Variants in ROR1 observed in about 807,000 individuals in gnomAD.
The protein encoded by ROR1 is ROR family WNT receptor 1.
A neutral mutation model predicts 78.8 loss-of-function variants in ROR1; 19 were observed. The observed-to-expected ratio is 0.24, with a 90% confidence interval of 0.17 to 0.35. The LOEUF is 0.35. Ranked by LOEUF, ROR1 falls within the 10% of genes least tolerant of loss-of-function variation. The pLI, the probability that ROR1 is intolerant of heterozygous loss-of-function variation, is 1.00. For missense variants in ROR1, 917 were observed against 1,177.8 expected (o/e 0.78, Z 3.24); for synonymous variants, 386 against 433.6 (o/e 0.89, Z 1.36).
chr1:63,854,258 T>A (rs1429574103), intron 1 of ROR1, among the ~76,000 whole-genome samples: 1 of 152,246 alleles, frequency 6.6e-6, no homozygotes, highest in Admixed American at 6.5e-5. Flanking sequence ...CATTCTTCAG[T>A]AGACTTGTCA....
intron 1 of ROR1, among the ~76,000 whole-genome samples, chr1:63,919,685 T>C (rs1413399421): frequency 6.6e-6 from 1 of 152,156 alleles, no homozygotes; most frequent in East Asian, 1.9e-4. Flanking sequence ...TAAATTACTC[T>C]TCCAGAGCCT....
chr1:64,165,737 C>T, intron 8 of ROR1, among the ~76,000 whole-genome samples: 2 of 132,024 alleles, frequency 1.5e-5, no homozygotes, highest in African/African-American at 2.8e-5. Context: ...TGGAATCTCG[C>T]TTTGTCACCC....
rs142756935 is a variant in ROR1 at position 64,108,854 on chromosome 1, T to TA, written c.483-28514dup. On this transcript the variant is annotated intron_variant, in intron 4 of 8. Transcript: ENST00000371079. ...AAGCTTCTGTTATATGGGTCACCCT[T>TA]ACAGGGTCGTAAGCATCCCTTGGGG... is the stretch of plus-strand genomic sequence containing the variant. Among the ~76,000 whole-genome samples, 306 of 152,326 alleles carry TA rather than the reference T, an allele frequency of 2.0e-3. 1 individual carries two copies. The highest frequency in any genetic ancestry group is 7.2e-3 in the African/African-American group (299 of 41,582).
Position 64,178,585 on chromosome 1 carries a change from C to G in ROR1, c.2544C>G (p.Cys848Trp). Residue 848 changes from cysteine (C) to tryptophan (W), a missense_variant, in exon 9 of 9, where the codon TGC becomes TGG. Cys to Trp is a radical substitution (Grantham distance 215). Around this residue, in one of 3 missense-constraint regions of ROR1, gnomAD observed 835 missense variants for 1,069.8 expected, o/e 0.78. Coordinates refer to ENST00000371079, the MANE Select transcript of ROR1 (RefSeq NM_005012.4). This position sits in a 1 kb window ranked among gnomAD's most constrained non-coding sequence, Gnocchi z 4.3. ...GTCCTCCCAGAGTGATTCAGCACTGCCCACCTCCCAAGAGTCGGTCCCCAA... is the reference window on the plus strand; with the variant it reads ...GTCCTCCCAGAGTGATTCAGCACTGGCCACCTCCCAAGAGTCGGTCCCCAA... ...PTGPPRVIQH[C>W]PPPKSRSPSS... The G allele has an allele frequency of 6.2e-7, 1 of 1,614,196 alleles. No individual in the cohort carries two copies. The highest frequency in any genetic ancestry group is 1.3e-5 in the African/African-American group (1 of 75,068).
rs936617658 is a variant in ROR1 at position 63,983,935 on chromosome 1, C to T, written c.92-25370C>T. On this transcript the variant is annotated intron_variant, in intron 1 of 8. Transcript: ENST00000371079. Reference sequence around the variant, plus strand: ...GCAAAGTACCCCACACCTGGTGTGGCTTACAGTGAGTACTTACTAAATGTT... The same window carrying T: ...GCAAAGTACCCCACACCTGGTGTGGTTTACAGTGAGTACTTACTAAATGTT... Among the ~76,000 whole-genome samples, 27 of 152,282 alleles carry T rather than the reference C, an allele frequency of 1.8e-4. 1 individual carries two copies. Among genetic ancestry groups the T allele is most frequent in the Admixed American group, 1.0e-3 (16 of 15,294 alleles).
chr1:63,872,704 T>TA (rs879798633), intron 1 of ROR1, among the ~76,000 whole-genome samples: 9 of 152,144 alleles, frequency 5.9e-5, no homozygotes, highest in Non-Finnish European at 1.3e-4. Context: ...AGTGGGGAAA[T>TA]ATTTAGGAAG....
At chr1:63,972,572 GGAAGAAAA>G (rs1376438839) in intron 1 of ROR1, among the ~76,000 whole-genome samples, 1 of 152,118 alleles carries the variant, frequency 6.6e-6, no homozygotes, top group Admixed American at 6.5e-5. Context: ...AGATATTTGT[GGAAGAAAA>G]GAAGGAAAGA....
intron 1 of ROR1, among the ~76,000 whole-genome samples, chr1:63,971,911 C>G (rs1485710928): frequency 6.6e-6 from 1 of 152,216 alleles, no homozygotes; most frequent in East Asian, 1.9e-4. Flanking sequence ...ATCAGGTTCT[C>G]AGACCCTAGC....
intron 1 of ROR1, among the ~76,000 whole-genome samples, chr1:63,882,160 G>A (rs1645327206): frequency 6.6e-6 from 1 of 152,086 alleles, no homozygotes; most frequent in African/African-American, 2.4e-5. Flanking sequence ...GTGCATTTTA[G>A]GCAAAGAAGC....
intron 8 of ROR1, among the ~76,000 whole-genome samples, chr1:64,161,232 A>G (rs1649934200): frequency 6.6e-6 from 1 of 152,206 alleles, no homozygotes; most frequent in Admixed American, 6.5e-5. Context: ...ACACAAACAG[A>G]CTAAGTAACT....
chr1:63,821,765 G>C (rs1025139742), intron 1 of ROR1, among the ~76,000 whole-genome samples: 1 of 152,206 alleles, frequency 6.6e-6, no homozygotes, highest in African/African-American at 2.4e-5. Context: ...AGCTTCAGCC[G>C]TGAGGATATT....
intron 2 of ROR1, among the ~76,000 whole-genome samples, chr1:64,014,748 A>G (rs1197625914): frequency 0.12 from 2,204 of 17,908 alleles, 547 homozygotes; most frequent in Non-Finnish European, 0.24. Context: ...CACTATATAT[A>G]TATATATATA....
intron 1 of ROR1, among the ~76,000 whole-genome samples, chr1:63,815,478 C>CTTTTTTTTTTTTTTTTTTTTTTTTTTT (rs1446331528): frequency 1.4e-4 from 14 of 103,504 alleles, no homozygotes; most frequent in East Asian, 8.1e-4. Context: ...CTTTTCTTTT[C>CTTTTTTTTTTTTTTTTTTTTTTTTTTT]TTTTTCTTTT....
intron 1 of ROR1, among the ~76,000 whole-genome samples, chr1:63,847,227 T>C (rs1268520359): frequency 6.6e-6 from 1 of 152,186 alleles, no homozygotes; most frequent in Non-Finnish European, 1.5e-5. Context: ...GTTTTAACTT[T>C]GTAGTAAAGA....
intron 1 of ROR1, among the ~76,000 whole-genome samples, chr1:63,927,882 A>G (rs1004275891): frequency 5.3e-5 from 8 of 151,966 alleles, no homozygotes; most frequent in African/African-American, 9.7e-5. Flanking sequence ...GCTCTTTTCA[A>G]TCCTAACAAA....
intron 1 of ROR1, among the ~76,000 whole-genome samples, chr1:63,884,183 C>G (rs980563983): frequency 1.3e-5 from 2 of 152,190 alleles, no homozygotes. Flanking sequence ...ACTCTTCGTA[C>G]CCCTTTGATG....
At chr1:63,792,942 T>C (rs1213543746) in intron 1 of ROR1, among the ~76,000 whole-genome samples, 1 of 152,242 alleles carries the variant, frequency 6.6e-6, no homozygotes, top group Non-Finnish European at 1.5e-5. Flanking sequence ...AGGAATCACT[T>C]GAGGTGCTAG....
chr1:63,973,063 G>T (rs776471238), intron 1 of ROR1, among the ~76,000 whole-genome samples: 2 of 152,180 alleles, frequency 1.3e-5, no homozygotes, highest in Admixed American at 6.5e-5. Flanking sequence ...CCTTCTCCTT[G>T]TTAGCCCCCA....
chr1:63,930,554 G>A (rs1231538813), intron 1 of ROR1, among the ~76,000 whole-genome samples: 1 of 152,178 alleles, frequency 6.6e-6, no homozygotes, highest in East Asian at 1.9e-4. Context: ...TCAGGTGGTA[G>A]ACTTACTGGG....
Sources: allele counts gnomAD v4.1 joint callset (sites outside exome capture counted in the v4.1 genomes callset), GRCh38; gene constraint gnomAD v4.1.1; regional missense constraint gnomAD v4.1.1; non-coding constraint Gnocchi (gnomAD v3.1); transcripts MANE v1.5; gene names NCBI Gene and HGNC (gene_info 2026-07-23, HGNC 2026-07-21).